USP6NL: variants seen among roughly 807,000 people sequenced by gnomAD.
USP6NL encodes the protein USP6 N-terminal like.
In USP6NL, 26 loss-of-function variants were observed where a neutral mutation model predicts 61.9. The observed-to-expected ratio is 0.42, with a 90% CI of 0.31 to 0.58. The LOEUF (loss-of-function observed/expected upper bound fraction) is 0.58, where lower values mean the gene tolerates loss of function less well. Among genes scored for constraint, USP6NL ranks in the 20% least tolerant of loss-of-function variants. The pLI, the probability that USP6NL is intolerant of heterozygous loss-of-function variation, is 0.16. For missense variants in USP6NL, 1,114 were observed against 1,034.3 expected (o/e 1.08, Z -1.06); for synonymous variants, 432 against 390.1 (o/e 1.11, Z -1.27).
At chr10:11,564,998 T>C (rs900293198) in intron 2 of USP6NL, 1 of 152,210 alleles carries the variant, frequency 6.6e-6, no homozygotes, top group African/African-American at 2.4e-5. Flanking sequence ...CAACTCACAG[T>C]AACAAGTAGA....
chr10:11,499,011 T>C lies in USP6NL; in HGVS notation c.384+2090A>G, dbSNP rs754202387. On this transcript the variant is annotated intron_variant, in intron 7 of 14. Transcript: ENST00000609104. The surrounding 1 kb of genome is among the most constrained non-coding windows in gnomAD (Gnocchi z 4.5). ...CTTCAATACCACCCACAGAGCTTTA[T>C]GGGGACAAGAAAGGACAAACAGGCC... Among the ~76,000 whole-genome samples the C allele has an allele frequency of 6.6e-5, 10 of 152,186 alleles. No individual in the cohort carries two copies. Among genetic ancestry groups the C allele is most frequent in the East Asian group, 1.9e-4 (1 of 5,194 alleles).
In USP6NL at chr10:11,482,781, GA is replaced by G. The variant is rs1566123598; in HGVS notation, c.926-860del. 6.6e-6 allele frequency among the ~76,000 whole-genome samples: 1 copy of G among 151,274 alleles called. No individual in the cohort carries two copies. Among genetic ancestry groups the G allele is most frequent in the South Asian group, 2.1e-4 (1 of 4,818 alleles). On this transcript the variant is annotated intron_variant, in intron 13 of 14. Transcript: ENST00000609104. This position sits in a 1 kb window ranked among gnomAD's most constrained non-coding sequence, Gnocchi z 4.0. ...AACGTATTTTTAAGACAATCAGTAA[GA>G]AAAAAAAGAAAAAGGAAAAAATTTC...
chr10:11,505,455 C>A (rs936787712), intron 6 of USP6NL, among the ~76,000 whole-genome samples: 1 of 152,128 alleles, frequency 6.6e-6, no homozygotes, highest in African/African-American at 2.4e-5. Flanking sequence ...TCAAAAGAAA[C>A]TGTGTTATAA....
chr10:11,597,226 G>GT lies in USP6NL; in HGVS notation c.4+404dup, dbSNP rs1564242219. ...CAGAGACATTGATAGATTGTTAGGG[G>GT]TTTTTTTTCCCTTAAATACAATATA... On this transcript the variant is annotated intron_variant, in intron 2 of 14. Coordinates refer to ENST00000609104, the MANE Select transcript of USP6NL (RefSeq NM_014688.5). The surrounding 1 kb of genome is among the most constrained non-coding windows in gnomAD (Gnocchi z 4.6). Among the ~76,000 whole-genome samples the GT allele has an allele frequency of 1.3e-5, 2 of 151,966 alleles. No individual in the cohort carries two copies. The highest frequency in any genetic ancestry group is 2.1e-4 in the South Asian group (1 of 4,808).
At position 11,461,449 on chromosome 10, in the gene USP6NL, T is replaced by C. The variant is rs1440554644; in HGVS notation, c.*992A>G. On this transcript the variant is annotated 3_prime_UTR_variant, in exon 15 of 15. Coordinates refer to ENST00000609104, the MANE Select transcript of USP6NL (RefSeq NM_014688.5). ...ATAAAGAGGACAGAAATGGATTGTA[T>C]AAATGGCCACCCTGGGACCTTCGTG... is the stretch of plus-strand genomic sequence containing the variant. The C allele has an allele frequency of 3.9e-5, 6 of 152,160 alleles. No individual in the cohort carries two copies. Among genetic ancestry groups the C allele is most frequent in the Admixed American group, 6.5e-5 (1 of 15,272 alleles). 9.4% of individuals were successfully genotyped at this position (152,160 alleles called of 1,614,324 possible).
In USP6NL at chr10:11,481,258, G is replaced by C. The variant is rs1027263091; in HGVS notation, c.1078+512C>G. ...TATCTATACTGTAGCATACTACAAA[G>C]AGCCCTGGGCTAGTAGTCAGAAAAA... On this transcript the variant is annotated intron_variant, in intron 14 of 14. Coordinates refer to ENST00000609104, the MANE Select transcript of USP6NL (RefSeq NM_014688.5). The surrounding 1 kb of genome is among the most constrained non-coding windows in gnomAD (Gnocchi z 4.4). 6.6e-6 allele frequency among the ~76,000 whole-genome samples: 1 copy of C among 152,150 alleles called. No homozygotes were observed. The highest frequency in any genetic ancestry group is 1.5e-5 in the Non-Finnish European group (1 of 68,014).
chr10:11,463,381 G>C lies in USP6NL; in HGVS notation c.1547C>G (p.Ala516Gly), dbSNP rs778751102. The change falls in exon 15 of 15, where the codon GCA (alanine) becomes GGA (glycine). Residue 516 changes from alanine to glycine, a missense_variant. Physicochemically the swap from Ala to Gly is moderately conservative, Grantham distance 60. Coordinates refer to ENST00000609104, the MANE Select transcript of USP6NL (RefSeq NM_014688.5). The surrounding 1 kb of genome is among the most constrained non-coding windows in gnomAD (Gnocchi z 6.3). ...GKGRAAHPAL[A>G]VTVPGPAEVR... The stretch of plus-strand genomic sequence containing the variant: ...CTCGGCAGGACCTGGGACGGTAACT[G>C]CGAGCGCGGGGTGCGCTGCTCGACC... 6.2e-7 allele frequency: 1 copy of C among 1,614,058 alleles called. No individual in the cohort carries two copies. Among genetic ancestry groups the C allele is most frequent in the South Asian group, 1.1e-5 (1 of 91,090 alleles).
chr10:11,519,478 A>C (rs1835110364), intron 4 of USP6NL, among the ~76,000 whole-genome samples: 1 of 152,090 alleles, frequency 6.6e-6, no homozygotes, highest in Non-Finnish European at 1.5e-5. Flanking sequence ...AAAAACACAA[A>C]AATTAAACAG....
At chr10:11,582,938 T>G (rs1311197005) in intron 2 of USP6NL, among the ~76,000 whole-genome samples, 1 of 149,254 alleles carries the variant, frequency 6.7e-6, no homozygotes, top group African/African-American at 2.5e-5. Context: ...ATGTATCTAG[T>G]ATGTAAGAGG....
intron 14 of USP6NL, among the ~76,000 whole-genome samples, chr10:11,473,880 A>G (rs1832860631): frequency 6.6e-6 from 1 of 152,244 alleles, no homozygotes; most frequent in African/African-American, 2.4e-5. Flanking sequence ...TCTAAAGGTA[A>G]AAAGTCAAGA....
chr10:11,502,491 A>C (rs1456276134), intron 6 of USP6NL, among the ~76,000 whole-genome samples: 1 of 152,228 alleles, frequency 6.6e-6, no homozygotes, highest in Non-Finnish European at 1.5e-5. Context: ...TAATTAAATA[A>C]ATTATAGCAG....
rs2133239547 is a variant in USP6NL at position 11,485,271 on chromosome 10, G to C, written c.760-37C>G. 1 of 1,478,274 alleles carries C rather than the reference G, an allele frequency of 6.8e-7. No individual in the cohort carries two copies. Among genetic ancestry groups the C allele is most frequent in the East Asian group, 2.5e-5 (1 of 40,164 alleles). The allele number at this position is 1,478,274 out of a possible 1,614,324, so 91.6% of individuals were successfully genotyped here. On this transcript the variant is annotated intron_variant, in intron 11 of 14. Transcript: ENST00000609104. This position sits in a 1 kb window ranked among gnomAD's most constrained non-coding sequence, Gnocchi z 4.8. ...AAGAGCTCACAATTTATGGATTGTAGCAAACTAAATTTAACAAAATAATAC... is the reference window on the plus strand; with the variant it reads ...AAGAGCTCACAATTTATGGATTGTACCAAACTAAATTTAACAAAATAATAC...
intron 6 of USP6NL, among the ~76,000 whole-genome samples, chr10:11,502,070 AAC>A (rs1427495790): frequency 6.6e-6 from 1 of 152,096 alleles, no homozygotes; most frequent in Non-Finnish European, 1.5e-5. Flanking sequence ...CATCCTGGCT[AAC>A]ACAGTGAAAC....
chr10:11,463,437 C>T lies in USP6NL; in HGVS notation c.1491G>A (p.Glu497=), dbSNP rs368641707. ...WNKPSDVSAT[E]RTAKYTMEGK... is the part of the protein sequence containing the mutation. ...CTTCCATGGTGTATTTGGCAGTTCT[C>T]TCTGTAGCTGAGACGTCTGACGGTT... is the stretch of plus-strand genomic sequence containing the variant. The change falls in exon 15 of 15, where the codon GAG becomes GAA. Residue 497 remains glutamate (E), a synonymous_variant. Coordinates refer to ENST00000609104, the MANE Select transcript of USP6NL (RefSeq NM_014688.5). The surrounding 1 kb of genome is among the most constrained non-coding windows in gnomAD (Gnocchi z 6.3). The T allele has an allele frequency of 5.6e-6, 9 of 1,614,064 alleles. No homozygotes were observed. Among genetic ancestry groups the T allele is most frequent in the Non-Finnish European group, 7.6e-6 (9 of 1,179,906 alleles).
At chr10:11,494,483 G>C (rs949898503) in intron 7 of USP6NL, among the ~76,000 whole-genome samples, 2 of 152,148 alleles carry the variant, frequency 1.3e-5, no homozygotes, top group East Asian at 1.9e-4. Context: ...GTGTGGCGAC[G>C]AGAGAGTGCA....
At position 11,528,634 on chromosome 10, in the gene USP6NL, A is replaced by T. The variant is rs1835519949; in HGVS notation, c.5-1067T>A. ...AGACAGTCTTGACTCCACAGCCCAC[A>T]ATTTTAATTACTATTTTATAAAAAT... is the stretch of plus-strand genomic sequence containing the variant. On this transcript the variant is annotated intron_variant, in intron 2 of 14. Coordinates refer to ENST00000609104, the MANE Select transcript of USP6NL (RefSeq NM_014688.5). The surrounding 1 kb of genome is among the most constrained non-coding windows in gnomAD (Gnocchi z 4.6). Among the ~76,000 whole-genome samples the T allele has an allele frequency of 6.6e-6, 1 of 152,202 alleles. No homozygotes were observed. Among genetic ancestry groups the T allele is most frequent in the African/African-American group, 2.4e-5 (1 of 41,446 alleles).
chr10:11,564,216 C>T (rs960994340), intron 2 of USP6NL: 1 of 152,138 alleles, frequency 6.6e-6, no homozygotes, highest in Non-Finnish European at 1.5e-5. Flanking sequence ...TAAGGGGTAA[C>T]AAGTTATCTG....
chr10:11,491,215 G>A lies in USP6NL; in HGVS notation c.495-335C>T, dbSNP rs1304371058. Among the ~76,000 whole-genome samples the A allele has an allele frequency of 6.6e-6, 1 of 152,172 alleles. No individual in the cohort carries two copies. Among genetic ancestry groups the A allele is most frequent in the Admixed American group, 6.5e-5 (1 of 15,286 alleles). On this transcript the variant is annotated intron_variant, in intron 8 of 14. Coordinates refer to ENST00000609104, the MANE Select transcript of USP6NL (RefSeq NM_014688.5). The surrounding 1 kb of genome is among the most constrained non-coding windows in gnomAD (Gnocchi z 4.7). ...CAGAATGGTGGAATGGCCTTTTGAA[G>A]GCTCAGTGACATTGCCAGCAAGGTA...
rs756050004 is a variant in USP6NL, at chr10:11,463,661, C to T, written c.1267G>A (p.Gly423Arg). The T allele has an allele frequency of 5.0e-6, 8 of 1,613,926 alleles. No individual in the cohort carries two copies. The highest frequency in any genetic ancestry group is 3.3e-5 in the South Asian group (3 of 91,080). The change falls in exon 15 of 15, where the codon GGG becomes AGG. Residue 423 changes from glycine to arginine, a missense_variant. Coordinates refer to ENST00000609104, the MANE Select transcript of USP6NL (RefSeq NM_014688.5). The surrounding 1 kb of genome is among the most constrained non-coding windows in gnomAD (Gnocchi z 6.3). ...GGCGGCTGTGCTCTCTCGGGCGTCC[C>T]GGTCCTGCTCTGGGGGTGCGGGGAG... Reference protein sequence around the residue: ...EHSPHPQSRTGTPERAQPPRR... With the variant: ...EHSPHPQSRTRTPERAQPPRR...
Sources: allele counts gnomAD v4.1 joint callset (sites outside exome capture counted in the v4.1 genomes callset), GRCh38; gene constraint gnomAD v4.1.1; non-coding constraint Gnocchi (gnomAD v3.1); transcripts MANE v1.5; gene names NCBI Gene and HGNC (gene_info 2026-07-23, HGNC 2026-07-21).